Variants in NBAS observed in about 807,000 individuals in gnomAD.
The protein encoded by NBAS is NBAS subunit of NRZ tethering complex, also known as NAG/BC035112 fusion.
Under a neutral mutation model 302.5 loss-of-function variants are expected in NBAS, and 219 were observed. That is an observed-to-expected ratio of 0.72 (90% CI 0.65 to 0.81). The LOEUF (loss-of-function observed/expected upper bound fraction) is 0.81. Ranked by LOEUF, NBAS falls within the 30% of genes least tolerant of loss-of-function variation. The pLI is 0.00. For missense variants in NBAS, 2,932 were observed against 2,841.6 expected (o/e 1.03, Z -0.72); for synonymous variants, 1,118 against 1,021.6 (o/e 1.09, Z -1.80).
the NBAS span, among the ~76,000 whole-genome samples, chr2:14,980,544 G>T: frequency 6.6e-6 from 1 of 151,990 alleles, no homozygotes; most frequent in Non-Finnish European, 1.5e-5. Context: ...CAACAAAACG[G>T]GCAACTTGCT....
intron 31 of NBAS, among the ~76,000 whole-genome samples, chr2:15,372,705 G>A (rs1674546137): frequency 6.6e-6 from 1 of 152,142 alleles, no homozygotes; most frequent in Non-Finnish European, 1.5e-5. Context: ...AGACATGAAA[G>A]CAAATGTCTT....
intron 32 of NBAS, among the ~76,000 whole-genome samples, chr2:15,356,970 C>G (rs1327466738): frequency 1.3e-5 from 2 of 152,174 alleles, no homozygotes; most frequent in Admixed American, 6.5e-5. Context: ...TCCTTGAGAG[C>G]CCAATTTTAG....
the NBAS span, among the ~76,000 whole-genome samples, chr2:15,142,763 A>T: frequency 6.6e-6 from 1 of 152,200 alleles, no homozygotes; most frequent in Non-Finnish European, 1.5e-5. Flanking sequence ...GGAGATAAGG[A>T]ACATTCCATG....
the NBAS span, among the ~76,000 whole-genome samples, chr2:14,848,261 C>T: frequency 4.0e-5 from 6 of 150,366 alleles, no homozygotes; most frequent in Non-Finnish European, 8.8e-5. Flanking sequence ...CATTGCCTCA[C>T]CTGGGAAGCG....
At chr2:15,002,231 A>G in the NBAS span, among the ~76,000 whole-genome samples, 2 of 152,086 alleles carry the variant, frequency 1.3e-5, no homozygotes, top group African/African-American at 4.8e-5. Context: ...CTTGAGCTAG[A>G]TAGAGAGTGC....
intron 40 of NBAS, among the ~76,000 whole-genome samples, chr2:15,297,500 CT>C (rs1405086934): frequency 2.6e-5 from 4 of 152,176 alleles, no homozygotes; most frequent in Non-Finnish European, 5.9e-5. Context: ...CTCATGACAT[CT>C]GGTTGTTTAA....
chr2:14,905,969 G>A, the NBAS span, among the ~76,000 whole-genome samples: 4 of 152,288 alleles, frequency 2.6e-5, no homozygotes, highest in South Asian at 2.1e-4. Flanking sequence ...TGATGAGTAC[G>A]CTTGTCTGTA....
the NBAS span, among the ~76,000 whole-genome samples, chr2:14,965,425 G>A: frequency 1.3e-5 from 2 of 152,130 alleles, no homozygotes; most frequent in Non-Finnish European, 2.9e-5. Context: ...TACAATTATG[G>A]TGAAATGAAC....
chr2:14,846,015 C>T, the NBAS span, among the ~76,000 whole-genome samples: 6 of 152,032 alleles, frequency 3.9e-5, no homozygotes, highest in African/African-American at 1.2e-4. Context: ...CACAGAATGT[C>T]CCAAACCTAG....
the NBAS span, among the ~76,000 whole-genome samples, chr2:15,158,212 G>A: frequency 2.6e-5 from 4 of 152,184 alleles, no homozygotes; most frequent in Non-Finnish European, 5.9e-5. Context: ...ACAACTCATA[G>A]CTCCACGGTG....
intron 47 of NBAS, among the ~76,000 whole-genome samples, chr2:15,220,565 A>C (rs192068003): frequency 6.6e-6 from 1 of 152,334 alleles, no homozygotes; most frequent in African/African-American, 2.4e-5. Flanking sequence ...ATGATTCAGA[A>C]AAGGGGACAG....
chr2:14,887,841 C>T, the NBAS span, among the ~76,000 whole-genome samples: 1 of 152,202 alleles, frequency 6.6e-6, no homozygotes, highest in Non-Finnish European at 1.5e-5. Flanking sequence ...GCCAGCTTTA[C>T]TGATGGCTAT....
At chr2:15,391,647 T>C (rs1675610051) in intron 28 of NBAS, among the ~76,000 whole-genome samples, 1 of 151,996 alleles carries the variant, frequency 6.6e-6, no homozygotes, top group Non-Finnish European at 1.5e-5. Context: ...ATTTTCCAAG[T>C]TGGATGGAAA....
chr2:15,255,467 T>G (rs192101070), intron 44 of NBAS, among the ~76,000 whole-genome samples: 1 of 152,314 alleles, frequency 6.6e-6, no homozygotes, highest in Admixed American at 6.5e-5. Flanking sequence ...GATTAGTCCT[T>G]TATCAGATGC....
intron 11 of NBAS, among the ~76,000 whole-genome samples, chr2:15,492,190 T>C (rs553207772): frequency 1.3e-5 from 2 of 152,318 alleles, no homozygotes; most frequent in South Asian, 4.1e-4. Context: ...TTTTCAGGCA[T>C]GTTTCATTTA....
chr2:15,304,587 T>C (rs1670946832), intron 40 of NBAS, among the ~76,000 whole-genome samples: 2 of 152,232 alleles, frequency 1.3e-5, no homozygotes, highest in Non-Finnish European at 2.9e-5. Context: ...TAGAGACTTG[T>C]TGAATGACTT....
intron 50 of NBAS, 22 bp from the exon 51 acceptor site, chr2:15,179,138 G>C: frequency 6.2e-7 from 1 of 1,613,830 alleles, no homozygotes; most frequent in Non-Finnish European, 8.5e-7. Flanking sequence ...GAGCAGGGGT[G>C]AGCGAGAACT....
At chr2:15,069,747 C>T in the NBAS span, among the ~76,000 whole-genome samples, 4 of 152,124 alleles carry the variant, frequency 2.6e-5, no homozygotes, top group East Asian at 5.8e-4. Context: ...TCTGTGACAG[C>T]ATCTACATAA....
Position 15,511,211 on chromosome 2 carries a change from C to G in NBAS, c.885+1G>C. ...AGTGAAGTGCCATAACTCATACTTA[C>G]TGCAGTAACCCCGTCTCCACCATTA... On this transcript the variant is annotated splice_donor_variant, in intron 10 of 51. Transcript: ENST00000281513. LOFTEE classifies it high-confidence loss of function. 6.2e-7 allele frequency: 1 copy of G among 1,614,060 alleles called. No homozygotes were observed. The highest frequency in any genetic ancestry group is 8.5e-7 in the Non-Finnish European group (1 of 1,179,956).
Sources: gnomAD v4.1 joint callset for allele counts (sites outside exome capture counted in the v4.1 genomes callset) on GRCh38, gnomAD v4.1.1 for gene constraint, MANE v1.5 for transcripts, NCBI Gene and HGNC (gene_info 2026-07-23, HGNC 2026-07-21) for gene names.